SYT13: variants seen among roughly 807,000 people sequenced by gnomAD.
The protein encoded by SYT13 is synaptotagmin-13.
A neutral mutation model predicts 38.6 loss-of-function variants in SYT13; 21 were observed. The ratio of observed to expected loss-of-function variants is 0.54; its 90% CI spans 0.39 to 0.78. SYT13 has a LOEUF of 0.78. Ranked by LOEUF, SYT13 falls within the 30% of genes least tolerant of loss-of-function variation. SYT13 has a pLI of 0.00. For synonymous variants in SYT13, 241 were observed against 237.6 expected (o/e 1.01, Z -0.13); for missense variants, 495 against 548.7 (o/e 0.90, Z 0.98).
Position 45,244,137 on chromosome 11 carries a change from G to A in SYT13, c.1196C>T (p.Thr399Ile). 1.9e-6 allele frequency: 3 copies of A among 1,613,608 alleles called. No homozygotes were observed. The highest frequency in any genetic ancestry group is 2.5e-6 in the Non-Finnish European group (3 of 1,179,966). Residue 399 changes from threonine (T) to isoleucine (I), a missense_variant, in exon 6 of 6, where the codon ACC becomes ATC. Physicochemically the swap from Thr to Ile is moderately conservative, Grantham distance 89. Transcript: ENST00000020926. ...CCAGTGGCTGCGCTCAGAGCCCGAGGTGTGCAGGCCCAGGCTGCAGTGGCC... is the reference window on the plus strand; with the variant it reads ...CCAGTGGCTGCGCTCAGAGCCCGAGATGTGCAGGCCCAGGCTGCAGTGGCC... ...ALGHCSLGLH[T>I]SGSERSHWEE...
At chr11:45,269,575 T>C (rs1025706999) in intron 1 of SYT13, 3 of 824,604 alleles carry the variant, frequency 3.6e-6, no homozygotes. Context: ...TGCCTAATAT[T>C]TTCTCTATTC....
At chr11:45,254,137 G>A (rs1468014654) in intron 3 of SYT13, 133 bp downstream of exon 3, 1 of 988,304 alleles carries the variant, frequency 1.0e-6, no homozygotes, top group Non-Finnish European at 1.4e-6. Context: ...TAAGCTCCAT[G>A]TGTTCCAGGG....
chr11:45,280,642 G>C (rs547658853), intron 1 of SYT13, among the ~76,000 whole-genome samples: 3 of 152,260 alleles, frequency 2.0e-5, no homozygotes, highest in Admixed American at 2.0e-4. Context: ...TCTCCTACCC[G>C]CTGCAGTCAT....
intron 1 of SYT13, among the ~76,000 whole-genome samples, chr11:45,270,909 C>T (rs1254913327): frequency 6.6e-6 from 1 of 152,204 alleles, no homozygotes; most frequent in Non-Finnish European, 1.5e-5. Flanking sequence ...AGTCAAACCG[C>T]TCCACATTAT....
At chr11:45,268,873 A>G (rs1854915993) in intron 1 of SYT13, among the ~76,000 whole-genome samples, 1 of 152,240 alleles carries the variant, frequency 6.6e-6, no homozygotes, top group South Asian at 2.1e-4. Context: ...TTCAACATTA[A>G]GAGCCTTTTA....
chr11:45,258,261 C>A (rs1381803739), intron 1 of SYT13: 2 of 152,252 alleles, frequency 1.3e-5, no homozygotes, highest in Non-Finnish European at 2.9e-5. Context: ...TATCTTGTTA[C>A]ACACAGCAAC....
intron 4 of SYT13, among the ~76,000 whole-genome samples, chr11:45,246,933 G>T (rs1225879671): frequency 6.6e-6 from 1 of 152,140 alleles, no homozygotes; most frequent in East Asian, 1.9e-4. Context: ...GACCCATCAG[G>T]TTCCTGGGGC....
intron 2 of SYT13, among the ~76,000 whole-genome samples, chr11:45,255,038 C>G (rs1854727183): frequency 6.6e-6 from 1 of 151,914 alleles, no homozygotes; most frequent in African/African-American, 2.4e-5. Flanking sequence ...ATCACTGGAG[C>G]CTGGGAGATT....
chr11:45,285,130 A>C (rs1283822365), intron 1 of SYT13, among the ~76,000 whole-genome samples: 1 of 152,200 alleles, frequency 6.6e-6, no homozygotes, highest in Non-Finnish European at 1.5e-5. Context: ...TCACTCTAGC[A>C]GGACTCTTTG....
intron 1 of SYT13, among the ~76,000 whole-genome samples, chr11:45,272,444 T>A (rs1854960942): frequency 6.6e-6 from 1 of 152,212 alleles, no homozygotes; most frequent in Admixed American, 6.5e-5. Flanking sequence ...TCTGTGTGAA[T>A]TTCATGACTA....
At position 45,242,986 on chromosome 11, in the gene SYT13, C is replaced by T. The variant is rs186236856; in HGVS notation, c.*1066G>A. ...TAAAATTATCTTTCTTCTCTACCTA[C>T]ATGTAGCCAGATGTCATAGACTAAG... On this transcript the variant is annotated 3_prime_UTR_variant, in exon 6 of 6. Transcript: ENST00000020926. 22 of 152,334 alleles carry T rather than the reference C, an allele frequency of 1.4e-4. No individual in the cohort carries two copies. Among genetic ancestry groups the T allele is most frequent in the African/African-American group, 4.8e-4 (20 of 41,572 alleles). 9.4% of individuals were successfully genotyped at this position (152,334 alleles called of 1,614,324 possible). A position where few individuals can be genotyped will look rare whatever the true frequency, so the allele number is the denominator to read the frequency against.
chr11:45,278,992 G>A (rs1855041638), intron 1 of SYT13, among the ~76,000 whole-genome samples: 1 of 152,226 alleles, frequency 6.6e-6, no homozygotes, highest in African/African-American at 2.4e-5. Context: ...CGGCAGCAAA[G>A]CAATCGAAAG....
chr11:45,280,282 A>G (rs1034721142), intron 1 of SYT13, among the ~76,000 whole-genome samples: 2 of 152,148 alleles, frequency 1.3e-5, no homozygotes, highest in Admixed American at 1.3e-4. Context: ...CCCAATCCCC[A>G]GGGGGAATCC....
intron 4 of SYT13, among the ~76,000 whole-genome samples, chr11:45,251,406 A>AG (rs1370066728): frequency 1.3e-5 from 2 of 151,646 alleles, no homozygotes; most frequent in East Asian, 3.9e-4. Context: ...AAAAAAAAAA[A>AG]AAAATAGTGC....
At chr11:45,284,956 C>CA (rs1275746805) in intron 1 of SYT13, among the ~76,000 whole-genome samples, 1 of 152,222 alleles carries the variant, frequency 6.6e-6, no homozygotes, top group East Asian at 1.9e-4. Flanking sequence ...ACAGGCCCCA[C>CA]ACAACTGGGT....
rs1854736205 is a variant in SYT13 at position 45,255,709 on chromosome 11, G to C, written c.366C>G (p.Leu122=). 6 of 1,614,016 alleles carry C rather than the reference G, an allele frequency of 3.7e-6. No homozygotes were observed. The East Asian group carries it at 1.3e-4, about 36-fold the overall frequency. The change falls in exon 2 of 6, where the codon CTC becomes CTG. Residue 122 remains leucine, a synonymous_variant. Transcript: ENST00000020926. ...ACAGCTCCTCTGTGACCTGCCTCTT[G>C]AGGCGACTGTCATTCGGGGGTTGGG... ...ASPQPPNDSR[L]KRQVTEELFI...
intron 4 of SYT13, among the ~76,000 whole-genome samples, chr11:45,251,079 G>A (rs1205366708): frequency 6.6e-6 from 1 of 152,010 alleles, no homozygotes; most frequent in Admixed American, 6.6e-5. Context: ...CATAGTAACT[G>A]ATGGTGAGCA....
chr11:45,246,053 T>C (rs1367206106), intron 5 of SYT13, among the ~76,000 whole-genome samples: 1 of 152,166 alleles, frequency 6.6e-6, no homozygotes, highest in African/African-American at 2.4e-5. Context: ...ACGGCTATAG[T>C]CTGACCCTTG....
intron 1 of SYT13, among the ~76,000 whole-genome samples, chr11:45,263,116 C>G (rs1472424204): frequency 6.6e-6 from 1 of 152,160 alleles, no homozygotes; most frequent in Non-Finnish European, 1.5e-5. Context: ...GCCTCCGGCT[C>G]TGCCTCCAGT....
Sources: gnomAD v4.1 joint callset for allele counts (sites outside exome capture counted in the v4.1 genomes callset) on GRCh38, gnomAD v4.1.1 for gene constraint, MANE v1.5 for transcripts, NCBI Gene and HGNC (gene_info 2026-07-23, HGNC 2026-07-21) for gene names.